Variants in RSPH1 observed in about 807,000 individuals in gnomAD.
RSPH1 encodes radial spoke head component 1.
Under a neutral mutation model 44.2 loss-of-function variants are expected in RSPH1, and 32 were observed. The ratio of observed to expected loss-of-function variants is 0.72; its 90% CI spans 0.55 to 0.97. The LOEUF is 0.97. Among genes scored for constraint, RSPH1 ranks in the 50% least tolerant of loss-of-function variants. The pLI, the probability that RSPH1 is intolerant of heterozygous loss-of-function variation, is 0.00. For missense variants in RSPH1, 391 were observed against 398.7 expected (o/e 0.98, Z 0.16); for synonymous variants, 134 against 147.3 (o/e 0.91, Z 0.65).
chr21:42,479,334 T>C (rs1159841923), intron 6 of RSPH1, among the ~76,000 whole-genome samples: 2 of 152,128 alleles, frequency 1.3e-5, no homozygotes, highest in African/African-American at 2.4e-5. Context: ...ATTTCATGGG[T>C]GGTTTTTCCT....
At chr21:42,483,237 ATTTT>A (rs200249424) in intron 5 of RSPH1, among the ~76,000 whole-genome samples, 1 of 141,810 alleles carries the variant, frequency 7.1e-6, no homozygotes. Flanking sequence ...TGGGATACTG[ATTTT>A]TTTTTTTTTT....
At position 42,474,440 on chromosome 21, in the gene RSPH1, C is replaced by A. The variant is rs1330850451; in HGVS notation, c.877+1458G>T. ...CAGGGAACTCACTGATTCCTTTATT[C>A]CAGCTTCCCATTAGGTGCTAGAGGG... On this transcript the variant is annotated intron_variant, in intron 8 of 8. Transcript: ENST00000291536. This position sits in a 1 kb window ranked among gnomAD's most constrained non-coding sequence, Gnocchi z 5.2. Among the ~76,000 whole-genome samples, 1 of 152,354 alleles carries A rather than the reference C, an allele frequency of 6.6e-6. No homozygotes were observed. The highest frequency in any genetic ancestry group is 3.4e-3 in the Middle Eastern group (1 of 294).
intron 6 of RSPH1, among the ~76,000 whole-genome samples, chr21:42,480,942 G>A (rs1568961773): frequency 6.6e-6 from 1 of 152,144 alleles, no homozygotes; most frequent in Non-Finnish European, 1.5e-5. Flanking sequence ...TTAAAGCAGG[G>A]CCTCTGGGTG....
intron 5 of RSPH1, 110 bp downstream of exon 5, chr21:42,485,559 G>A (rs560140223): frequency 1.3e-5 from 16 of 1,243,364 alleles, no homozygotes; most frequent in East Asian, 1.2e-4. Flanking sequence ...TGAATAGGCC[G>A]GACTCAGTTT....
intron 8 of RSPH1, among the ~76,000 whole-genome samples, chr21:42,473,363 T>C (rs1442356004): frequency 3.3e-5 from 5 of 152,060 alleles, no homozygotes; most frequent in South Asian, 4.1e-4. Context: ...TGGTGGTACA[T>C]GCCTGTCAAC....
At chr21:42,489,249 TTGGTTGGC>T (rs1380682103) in intron 3 of RSPH1, among the ~76,000 whole-genome samples, 80 of 152,040 alleles carry the variant, frequency 5.3e-4, no homozygotes, top group Middle Eastern at 3.4e-3. Flanking sequence ...GGTTAGCTGT[TTGGTTGGC>T]TGGTTGGCTG....
At chr21:42,479,270 T>C (rs1195225493) in intron 6 of RSPH1, among the ~76,000 whole-genome samples, 1 of 152,082 alleles carries the variant, frequency 6.6e-6, no homozygotes, top group African/African-American at 2.4e-5. Flanking sequence ...TCCTAATCCA[T>C]CCCCACAGCA....
Position 42,476,875 on chromosome 21 carries a change from G to C in RSPH1, c.727+416C>G, listed in dbSNP as rs563301685. ...ACATCCCGCACACTCAACTGACCCA[G>C]CATCTGATTTTCAGAGAGTCCAACC... On this transcript the variant is annotated intron_variant, in intron 7 of 8. Transcript: ENST00000291536. 1.3e-4 allele frequency among the ~76,000 whole-genome samples: 20 copies of C among 152,234 alleles called. 1 individual carries two copies. The East Asian group carries it at 3.9e-3, about 29-fold the overall frequency.
chr21:42,487,508 G>A (rs1307203434), intron 3 of RSPH1, among the ~76,000 whole-genome samples: 1 of 152,210 alleles, frequency 6.6e-6, no homozygotes, highest in Admixed American at 6.5e-5. Context: ...AGCATTCAAA[G>A]AGTATTAGCT....
chr21:42,487,311 G>A (rs1419675076), intron 3 of RSPH1, among the ~76,000 whole-genome samples: 1 of 152,086 alleles, frequency 6.6e-6, no homozygotes, highest in African/African-American at 2.4e-5. Context: ...ACTTAATAGA[G>A]GTCTCCCAAA....
intron 5 of RSPH1, chr21:42,485,110 C>T (rs531460772): frequency 5.9e-5 from 9 of 153,002 alleles, no homozygotes; most frequent in African/African-American, 1.7e-4. Context: ...GAGGAACCAC[C>T]GAGTCTTCCA....
intron 5 of RSPH1, 135 bp from the exon 6 acceptor site, chr21:42,482,843 G>A: frequency 1.7e-6 from 1 of 597,750 alleles, no homozygotes; most frequent in Non-Finnish European, 2.9e-6. Context: ...ATGCTTTTGT[G>A]AACTCGTGGC....
intron 3 of RSPH1, among the ~76,000 whole-genome samples, chr21:42,488,706 G>A (rs988931796): frequency 1.3e-5 from 2 of 152,274 alleles, no homozygotes; most frequent in South Asian, 4.1e-4. Context: ...AACCTGTTAA[G>A]AGGCTCGGCC....
intron 3 of RSPH1, among the ~76,000 whole-genome samples, chr21:42,489,361 T>C (rs1180291364): frequency 6.6e-6 from 1 of 152,172 alleles, no homozygotes. Flanking sequence ...GGTTGCTTGG[T>C]TGGCTAGTCA....
In RSPH1 at chr21:42,486,403, G is replaced by A; in HGVS notation, c.333C>T (p.Asp111=). Residue 111 remains aspartate, a synonymous_variant, in exon 4 of 9, where the codon GAC becomes GAT. Coordinates refer to ENST00000291536, the MANE Select transcript of RSPH1 (RefSeq NM_080860.4). The stretch of plus-strand genomic sequence containing the variant: ...GAGCAAACCACTCTCCAGTGTAGGT[G>A]TCATTATTGATGTAGTAGTATACGC... The part of the protein sequence containing the change: ...GHGVYYYINN[D]TYTGEWFAHQ... The A allele has an allele frequency of 6.2e-7, 1 of 1,613,960 alleles. No homozygotes were observed. Among genetic ancestry groups the A allele is most frequent in the African/African-American group, 1.3e-5 (1 of 75,040 alleles).
At chr21:42,473,228 T>C (rs1426519359) in intron 8 of RSPH1, among the ~76,000 whole-genome samples, 3 of 152,228 alleles carry the variant, frequency 2.0e-5, no homozygotes, top group Non-Finnish European at 1.5e-5. Flanking sequence ...CAGTGGCTCA[T>C]GCCTGTAATC....
chr21:42,487,248 T>A (rs956364881), intron 3 of RSPH1, among the ~76,000 whole-genome samples: 1 of 152,212 alleles, frequency 6.6e-6, no homozygotes, highest in African/African-American at 2.4e-5. Context: ...TATGAATCCC[T>A]GCACTAGAAA....
rs1420099591 is a variant in RSPH1, at chr21:42,472,499, G to A, written c.*319C>T. The A allele has an allele frequency of 5.2e-6, 1 of 192,032 alleles. No homozygotes were observed. Among genetic ancestry groups the A allele is most frequent in the African/African-American group, 2.3e-5 (1 of 42,738 alleles). 11.9% of individuals were successfully genotyped at this position (192,032 alleles called of 1,614,324 possible). A position where few individuals can be genotyped will look rare whatever the true frequency, so the allele number is the denominator to read the frequency against. On this transcript the variant is annotated 3_prime_UTR_variant, in exon 9 of 9. Coordinates refer to ENST00000291536, the MANE Select transcript of RSPH1 (RefSeq NM_080860.4). ...AAGCAGAGGCTATTTCAGAAAGAAA[G>A]GATAATAAAGACGTTTATTTGCATT...
Position 42,472,885 on chromosome 21 carries a change from G to A in RSPH1, c.878-15C>T, listed in dbSNP as rs2054007088. Reference sequence around the variant, plus strand: ...ATTAATGTTTCCTGAAAAGAAAAGAGAAACATGAGTATATCTCATATTTAC... The same window carrying A: ...ATTAATGTTTCCTGAAAAGAAAAGAAAAACATGAGTATATCTCATATTTAC... On this transcript the variant is annotated splice_polypyrimidine_tract_variant and intron_variant, in intron 8 of 8. Coordinates refer to ENST00000291536, the MANE Select transcript of RSPH1 (RefSeq NM_080860.4). 1 of 1,571,024 alleles carries A rather than the reference G, an allele frequency of 6.4e-7. No individual in the cohort carries two copies. Among genetic ancestry groups the A allele is most frequent in the African/African-American group, 1.4e-5 (1 of 73,910 alleles).
Sources: gnomAD v4.1 joint callset for allele counts (sites outside exome capture counted in the v4.1 genomes callset) on GRCh38, gnomAD v4.1.1 for gene constraint, Gnocchi (gnomAD v3.1) non-coding constraint, MANE v1.5 for transcripts, NCBI Gene and HGNC (gene_info 2026-07-23, HGNC 2026-07-21) for gene names.